The following SVOPL variants were observed in gnomAD, a reference collection of about 807,000 sequenced individuals.
SVOPL encodes SVOP like.
Under a neutral mutation model 61.0 loss-of-function variants are expected in SVOPL, and 60 were observed. That is an observed-to-expected ratio of 0.98 (90% CI 0.80 to 1.22). The LOEUF is 1.22. Ranked by LOEUF, SVOPL falls within the 50% of genes most tolerant of loss-of-function variation. The probability of loss-of-function intolerance (pLI) is 0.00; values close to 1 mark genes in which losing one functional copy is unlikely to be tolerated. For missense variants in SVOPL, 662 were observed against 643.9 expected, an observed-to-expected ratio of 1.03 and a Z score of -0.30; for synonymous variants, 279 against 250.0, an observed-to-expected ratio of 1.12 and a Z score of -1.09.
At chr7:138,634,407 C>A (rs1800365840) in intron 9 of SVOPL, among the ~76,000 whole-genome samples, 1 of 151,552 alleles carries the variant, frequency 6.6e-6, no homozygotes, top group Non-Finnish European at 1.5e-5. Context: ...CTTTGGGAGG[C>A]CAAGGTGGAA....
At chr7:138,638,181 G>A (rs148990497) in intron 9 of SVOPL, among the ~76,000 whole-genome samples, 1 of 149,844 alleles carries the variant, frequency 6.7e-6, no homozygotes, top group African/African-American at 2.5e-5. Flanking sequence ...GCTAAAGCAG[G>A]AGAATCGCTT....
rs10240091 is a variant in SVOPL, at chr7:138,630,720, A to T, written c.790-598T>A. On this transcript the variant is annotated intron_variant, in intron 9 of 15. Coordinates refer to ENST00000674285, the MANE Select transcript of SVOPL (RefSeq NM_001139456.2). The stretch of plus-strand genomic sequence containing the variant: ...CACTTTGGGAGGCCGAGGTGGGCGG[A>T]TCACCTGAGGTCAGGAGCTTGAGAC... Among the ~76,000 whole-genome samples the T allele has an allele frequency of 5.3e-3, 802 of 152,298 alleles. 9 individuals carry two copies. Among genetic ancestry groups the T allele is most frequent in the African/African-American group, 0.018 (754 of 41,574 alleles).
intron 1 of SVOPL, chr7:138,689,257 A>C (rs545350650): frequency 6.4e-7 from 1 of 1,568,470 alleles, no homozygotes; most frequent in East Asian, 2.2e-5. Flanking sequence ...TTTTTGCTGC[A>C]CATGGTTAAA....
chr7:138,677,693 C>T (rs977657643), intron 3 of SVOPL, among the ~76,000 whole-genome samples: 1 of 150,562 alleles, frequency 6.6e-6, no homozygotes, highest in African/African-American at 2.4e-5. Context: ...CATCTATTGT[C>T]TCTAAGGGCA....
chr7:138,647,198 A>G (rs1032350730), intron 8 of SVOPL, among the ~76,000 whole-genome samples: 1 of 151,968 alleles, frequency 6.6e-6, no homozygotes, highest in African/African-American at 2.4e-5. Context: ...ACATGGTGAA[A>G]CCCCATCTCT....
At chr7:138,671,907 A>T in intron 4 of SVOPL, 112 bp downstream of exon 4, 1 of 903,344 alleles carries the variant, frequency 1.1e-6, no homozygotes, top group Non-Finnish European at 1.7e-6. Flanking sequence ...GAGTTTTGGA[A>T]GCCAACAGTG....
chr7:138,651,752 G>GA (rs531730988), intron 7 of SVOPL, among the ~76,000 whole-genome samples: 164 of 152,198 alleles, frequency 1.1e-3, no homozygotes, highest in African/African-American at 3.9e-3. Context: ...AGATGCTGTG[G>GA]AGTCTCATGG....
intron 14 of SVOPL, among the ~76,000 whole-genome samples, chr7:138,618,512 T>G (rs1035371400): frequency 2.0e-5 from 3 of 151,996 alleles, no homozygotes; most frequent in Admixed American, 6.6e-5. Context: ...ATACAAAAAA[T>G]CAGCCAAGAG....
intron 1 of SVOPL, among the ~76,000 whole-genome samples, chr7:138,692,681 C>T (rs7798386): frequency 0.02 from 3,094 of 151,938 alleles, 109 homozygotes; most frequent in African/African-American, 0.07. Flanking sequence ...GACATTAGAC[C>T]GCTAGAGAAA....
At chr7:138,644,304 A>G (rs1051994432) in intron 9 of SVOPL, among the ~76,000 whole-genome samples, 2 of 151,988 alleles carry the variant, frequency 1.3e-5, no homozygotes, top group African/African-American at 2.4e-5. Context: ...TCTAGAGCCA[A>G]TTTCACCAAA....
rs926877694 is a variant in SVOPL, at chr7:138,656,301, CA to C, written c.534+146del. 2.1e-4 allele frequency: 164 copies of C among 796,916 alleles called. 1 individual carries two copies. The African/African-American group carries it at 2.2e-3, about 11-fold the overall frequency. The allele number at this position is 796,916 out of a possible 1,614,324, so 49.4% of individuals were successfully genotyped here. On this transcript the variant is annotated intron_variant, in intron 7 of 15. Coordinates refer to ENST00000674285, the MANE Select transcript of SVOPL (RefSeq NM_001139456.2). ...ATAACATTTACATGCACTGAGAAAC[CA>C]AAAAGGTTGTGTGACTCACTTTATT... is the stretch of plus-strand genomic sequence containing the variant.
intron 1 of SVOPL, among the ~76,000 whole-genome samples, chr7:138,690,144 C>T (rs186054685): frequency 2.0e-5 from 3 of 152,252 alleles, no homozygotes; most frequent in Admixed American, 1.3e-4. Flanking sequence ...TCTAGCCTCT[C>T]GAATCATGAA....
chr7:138,600,355 T>C (rs1798463072), intron 14 of SVOPL, among the ~76,000 whole-genome samples: 1 of 152,192 alleles, frequency 6.6e-6, no homozygotes, highest in East Asian at 1.9e-4. Context: ...TGTAGAGCTT[T>C]GGGCAGCTGA....
chr7:138,700,679 A>AGGATGGATGGATGGAT (rs35740951), intron 1 of SVOPL, among the ~76,000 whole-genome samples: 17 of 148,934 alleles, frequency 1.1e-4, no homozygotes, highest in South Asian at 2.2e-4. Flanking sequence ...ACCCAGTAAG[A>AGGATGGATGGATGGAT]GGATGGATGG....
chr7:138,600,369 G>A (rs1798463968), intron 14 of SVOPL, among the ~76,000 whole-genome samples: 2 of 152,136 alleles, frequency 1.3e-5, no homozygotes. Flanking sequence ...CAGCTGAGCT[G>A]GGAGGATCTC....
intron 9 of SVOPL, among the ~76,000 whole-genome samples, chr7:138,641,829 T>TAC (rs960186670): frequency 6.7e-5 from 9 of 133,798 alleles, no homozygotes; most frequent in African/African-American, 2.4e-4. Context: ...TATATATATA[T>TAC]ATATAACATA....
chr7:138,636,022 G>C (rs184252369), intron 9 of SVOPL, among the ~76,000 whole-genome samples: 4 of 152,242 alleles, frequency 2.6e-5, no homozygotes, highest in Admixed American at 2.0e-4. Context: ...AGATGCAAGT[G>C]ATTCTCCTGC....
intron 3 of SVOPL, among the ~76,000 whole-genome samples, chr7:138,678,056 G>A (rs185503403): frequency 1.3e-5 from 2 of 152,206 alleles, no homozygotes; most frequent in Non-Finnish European, 2.9e-5. Flanking sequence ...GTCAGCCACC[G>A]TGTGTGGCCA....
In SVOPL at chr7:138,678,460, G is replaced by A. The variant is rs371850845; in HGVS notation, c.148C>T (p.Leu50Phe). Residue 50 changes from leucine to phenylalanine, a missense_variant, in exon 3 of 16, where the codon CTC becomes TTC. By Grantham distance (22) the Leu-to-Phe change is conservative. Transcript: ENST00000674285. ...CCAGTACTGCCCATGATCAGAAAGA[G>A]GGCAATGTGGAAACGCCCGAAGCCG... ...TIGFGRFHIA[L>F]FLIMGSTGVV... 3.9e-6 allele frequency: 6 copies of A among 1,551,872 alleles called. No homozygotes were observed. The African/African-American group carries it at 4.1e-5, about 11-fold the overall frequency.
Sources: gnomAD v4.1 joint callset for allele counts (sites outside exome capture counted in the v4.1 genomes callset) on GRCh38, gnomAD v4.1.1 for gene constraint, MANE v1.5 for transcripts, NCBI Gene and HGNC (gene_info 2026-07-23, HGNC 2026-07-21) for gene names.